Variants in PITPNA observed in about 807,000 individuals in gnomAD.
The protein encoded by PITPNA is phosphatidylinositol transfer protein alpha, also known as phosphatidylinositol transfer protein alpha isoform.
Under a neutral mutation model 50.3 loss-of-function variants are expected in PITPNA, and 13 were observed. The ratio of observed to expected loss-of-function variants is 0.26; its 90% confidence interval spans 0.17 to 0.41. PITPNA has a LOEUF of 0.41. Among genes scored for constraint, PITPNA ranks in the 10% least tolerant of loss-of-function variants. PITPNA has a pLI of 1.00. For synonymous variants in PITPNA, 120 were observed against 119.6 expected, an observed-to-expected ratio of 1.00 and a Z score of -0.02; for missense variants, 207 against 333.4, an observed-to-expected ratio of 0.62 and a Z score of 2.95.
chr17:1,562,476 C>G lies in PITPNA; in HGVS notation c.20+65G>C. On this transcript the variant is annotated intron_variant, in intron 1 of 11. Transcript: ENST00000313486. This position sits in a 1 kb window ranked among gnomAD's most constrained non-coding sequence, Gnocchi z 6.4. ...CCGGGCCCTGCGTCCCTCGCCGCGC[C>G]GTCGCCCCGGCGGCCGTCCCCACCC... 7.6e-7 allele frequency: 1 copy of G among 1,319,266 alleles called. No homozygotes were observed. 81.7% of individuals were successfully genotyped at this position (1,319,266 alleles called of 1,614,324 possible). A position where few individuals can be genotyped will look rare whatever the true frequency, so the allele number is the denominator to read the frequency against.
chr17:1,555,223 G>C (rs936660927), intron 2 of PITPNA, among the ~76,000 whole-genome samples: 10 of 152,186 alleles, frequency 6.6e-5, no homozygotes, highest in Admixed American at 2.6e-4. Context: ...TCAGCTGCAG[G>C]AATCAGAGGG....
intron 10 of PITPNA, 135 bp downstream of exon 10, chr17:1,533,964 G>T: frequency 2.0e-6 from 2 of 980,406 alleles, no homozygotes; most frequent in Non-Finnish European, 3.1e-6. Flanking sequence ...TACTGCCCAG[G>T]ATACCGTCCC....
Position 1,541,787 on chromosome 17 carries a change from AG to A in PITPNA, c.298-148del, listed in dbSNP as rs1235580777. ...TGTAATAACAGTTAACTTGACTGGGAGCCCACGACACACTAGGCATGTATTA... is the reference window on the plus strand; with the variant it reads ...TGTAATAACAGTTAACTTGACTGGGACCCACGACACACTAGGCATGTATTA... On this transcript the variant is annotated intron_variant, in intron 5 of 11. Coordinates refer to ENST00000313486, the MANE Select transcript of PITPNA (RefSeq NM_006224.4). 3.6e-5 allele frequency: 26 copies of A among 712,900 alleles called. No individual in the cohort carries two copies. The Admixed American group carries it at 3.8e-4, about 10-fold the overall frequency. 44.2% of individuals were successfully genotyped at this position (712,900 alleles called of 1,614,324 possible). A position where few individuals can be genotyped will look rare whatever the true frequency, so the allele number is the denominator to read the frequency against.
intron 8 of PITPNA, 33 bp from the exon 9 acceptor site, chr17:1,535,325 TA>T: frequency 2.6e-6 from 4 of 1,554,270 alleles, no homozygotes; most frequent in Non-Finnish European, 3.6e-6. Context: ...GGTACGCAAG[TA>T]ACAACGGGCA....
At chr17:1,523,402 G>C (rs1338368275) in intron 10 of PITPNA, among the ~76,000 whole-genome samples, 3 of 152,110 alleles carry the variant, frequency 2.0e-5, no homozygotes, top group Non-Finnish European at 4.4e-5. Flanking sequence ...GAGTGCAGTG[G>C]CGCAATCATG....
chr17:1,532,387 GAGAA>G (rs2075589171), intron 10 of PITPNA, among the ~76,000 whole-genome samples: 1 of 151,210 alleles, frequency 6.6e-6, no homozygotes, highest in Admixed American at 6.6e-5. Context: ...GTGCCTGGCC[GAGAA>G]AGATTTTCAA....
At chr17:1,558,896 T>C (rs1262042633) in intron 1 of PITPNA, among the ~76,000 whole-genome samples, 2 of 150,596 alleles carry the variant, frequency 1.3e-5, no homozygotes, top group African/African-American at 4.9e-5. Context: ...CGCCAGCTAC[T>C]TCCCAGGCCT....
At chr17:1,521,873 C>CTT (rs869029944) in intron 10 of PITPNA, among the ~76,000 whole-genome samples, 1,540 of 121,806 alleles carry the variant, frequency 0.013, 83 homozygotes, top group African/African-American at 0.046. Flanking sequence ...TTTGAAGCAC[C>CTT]TTTTTTTTTT....
Position 1,547,500 on chromosome 17 carries a change from A to G in PITPNA, c.289+796T>C, listed in dbSNP as rs368270273. On this transcript the variant is annotated intron_variant, in intron 4 of 11. Coordinates refer to ENST00000313486, the MANE Select transcript of PITPNA (RefSeq NM_006224.4). The stretch of plus-strand genomic sequence containing the variant: ...CACCGTCTCTACTAAAAATACAAAA[A>G]TTAGCCGGGCATGGTGGTGTATGCC... Among the ~76,000 whole-genome samples, 4 of 151,870 alleles carry G rather than the reference A, an allele frequency of 2.6e-5. No individual in the cohort carries two copies. The South Asian group carries it at 6.2e-4, about 24-fold the overall frequency.
intron 10 of PITPNA, among the ~76,000 whole-genome samples, chr17:1,524,086 C>T (rs1358501512): frequency 6.6e-6 from 1 of 150,502 alleles, no homozygotes; most frequent in Admixed American, 6.6e-5. Flanking sequence ...GCTCAGTCAC[C>T]CAGGCTGGTG....
intron 1 of PITPNA, 48 bp from the exon 2 acceptor site, chr17:1,558,607 C>G: frequency 7.4e-7 from 1 of 1,344,280 alleles, no homozygotes; most frequent in African/African-American, 1.4e-5. Context: ...GTGCAATCTG[C>G]TCAAGGCTCT....
chr17:1,553,400 T>TTTTA (rs968120436), intron 2 of PITPNA, among the ~76,000 whole-genome samples: 1 of 152,106 alleles, frequency 6.6e-6, no homozygotes, highest in African/African-American at 2.4e-5. Context: ...CAGGGTTTAT[T>TTTTA]TTTATTTATT....
intron 3 of PITPNA, among the ~76,000 whole-genome samples, chr17:1,549,320 A>ATT (rs1250520585): frequency 1.4e-4 from 18 of 132,464 alleles, no homozygotes; most frequent in African/African-American, 1.7e-4. Flanking sequence ...AACATTTAGA[A>ATT]TTTTTTTTTT....
In PITPNA at chr17:1,562,130, C is replaced by T. The variant is rs1412418753; in HGVS notation, c.20+411G>A. Among the ~76,000 whole-genome samples, 1 of 152,160 alleles carries T rather than the reference C, an allele frequency of 6.6e-6. No homozygotes were observed. The highest frequency in any genetic ancestry group is 1.5e-5 in the Non-Finnish European group (1 of 68,002). ...TGCCCTGACCCCGTCTCGGGCCTGG[C>T]CTCGCCCTCGCTGTCCCCGGCCTCT... is the stretch of plus-strand genomic sequence containing the variant. On this transcript the variant is annotated intron_variant, in intron 1 of 11. Transcript: ENST00000313486. This position sits in a 1 kb window ranked among gnomAD's most constrained non-coding sequence, Gnocchi z 6.4.
intron 1 of PITPNA, among the ~76,000 whole-genome samples, chr17:1,561,036 C>T (rs1478392439): frequency 6.6e-6 from 1 of 152,184 alleles, no homozygotes; most frequent in Non-Finnish European, 1.5e-5. Context: ...GGCTGCCTCA[C>T]AAGTTGCTCT....
At chr17:1,542,093 G>A (rs1429070841) in intron 5 of PITPNA, among the ~76,000 whole-genome samples, 4 of 152,060 alleles carry the variant, frequency 2.6e-5, no homozygotes, top group Admixed American at 6.5e-5. Flanking sequence ...CCAGCTACTC[G>A]GGAGGCTGAG....
chr17:1,562,474 G>A lies in PITPNA; in HGVS notation c.20+67C>T. 7.6e-7 allele frequency: 1 copy of A among 1,308,112 alleles called. No homozygotes were observed. Among genetic ancestry groups the A allele is most frequent in the Non-Finnish European group, 1.0e-6 (1 of 991,766 alleles). 81.0% of individuals were successfully genotyped at this position (1,308,112 alleles called of 1,614,324 possible). ...ATCCGGGCCCTGCGTCCCTCGCCGC[G>A]CCGTCGCCCCGGCGGCCGTCCCCAC... is the stretch of plus-strand genomic sequence containing the variant. On this transcript the variant is annotated intron_variant, in intron 1 of 11. Transcript: ENST00000313486. The surrounding 1 kb of genome is among the most constrained non-coding windows in gnomAD (Gnocchi z 6.4).
chr17:1,543,666 C>T (rs1044046486), intron 4 of PITPNA, among the ~76,000 whole-genome samples: 1 of 152,206 alleles, frequency 6.6e-6, no homozygotes, highest in African/African-American at 2.4e-5. Flanking sequence ...GGCTGCCCCA[C>T]TGCCATGTTT....
chr17:1,559,758 CA>C, intron 1 of PITPNA: 1 of 985,372 alleles, frequency 1.0e-6, no homozygotes, highest in Non-Finnish European at 1.2e-6. Flanking sequence ...AACATCACCT[CA>C]AAGGCAAGAC....
Sources: allele counts gnomAD v4.1 joint callset (sites outside exome capture counted in the v4.1 genomes callset), GRCh38; gene constraint gnomAD v4.1.1; non-coding constraint Gnocchi (gnomAD v3.1); transcripts MANE v1.5; gene names NCBI Gene and HGNC (gene_info 2026-07-23, HGNC 2026-07-21).